The following SGSM1 variants were observed in gnomAD, a reference collection of about 807,000 sequenced individuals.
The protein encoded by SGSM1 is small G protein signaling modulator 1, also known as RUN and TBC1 domain containing 2.
SGSM1 carries 73 observed loss-of-function variants against 133.8 expected under a neutral mutation model. The observed-to-expected ratio is 0.55, with a 90% CI of 0.45 to 0.66. SGSM1 has a LOEUF of 0.66. Ranked by LOEUF, SGSM1 falls within the 30% of genes least tolerant of loss-of-function variation. The pLI, the probability that SGSM1 is intolerant of heterozygous loss-of-function variation, is 0.00. For missense variants in SGSM1, 1,213 were observed against 1,448.1 expected, an observed-to-expected ratio of 0.84 and a Z score of 2.64; for synonymous variants, 563 against 573.0, an observed-to-expected ratio of 0.98 and a Z score of 0.25.
intron 12 of SGSM1, among the ~76,000 whole-genome samples, chr22:24,872,208 C>T (rs1293321054): frequency 2.0e-5 from 3 of 151,500 alleles, no homozygotes; most frequent in Non-Finnish European, 4.4e-5. Context: ...GATATGACCA[C>T]AGATGTTTCT....
intron 9 of SGSM1, among the ~76,000 whole-genome samples, chr22:24,865,961 G>T (rs1007990706): frequency 6.6e-6 from 1 of 152,182 alleles, no homozygotes; most frequent in Non-Finnish European, 1.5e-5. Flanking sequence ...CGGAAGCCTG[G>T]CTTTGGTGCA....
Position 24,855,343 on chromosome 22 carries a change from T to G in SGSM1, c.582T>G (p.Asp194Glu). 1.2e-6 allele frequency: 2 copies of G among 1,613,356 alleles called. No individual in the cohort carries two copies. The highest frequency in any genetic ancestry group is 1.7e-6 in the Non-Finnish European group (2 of 1,179,678). The change falls in exon 7 of 25, where the codon GAT (aspartate) becomes GAG (glutamate). Residue 194 changes from aspartate (D) to glutamate (E), a missense_variant. Coordinates refer to ENST00000400358, the MANE Select transcript of SGSM1 (RefSeq NM_001098497.3). ...KMKTADHFWT[D>E]PSADELVQRH... The stretch of plus-strand genomic sequence containing the variant: ...AGACTGCAGATCACTTCTGGACCGA[T>G]CCCTCGGCTGACGAACTTGTCCAGA...
chr22:24,852,515 C>T (rs1049625086), intron 5 of SGSM1, among the ~76,000 whole-genome samples: 2 of 152,216 alleles, frequency 1.3e-5, no homozygotes, highest in Admixed American at 6.5e-5. Flanking sequence ...GTAATCTTGA[C>T]TCACTGCAAC....
chr22:24,836,704 G>C (rs1249305416), intron 2 of SGSM1, among the ~76,000 whole-genome samples: 1 of 152,132 alleles, frequency 6.6e-6, no homozygotes, highest in African/African-American at 2.4e-5. Context: ...ATCTTTCCAT[G>C]TGCTTGTTCG....
chr22:24,812,185 AAAAG>A (rs1927789056), intron 2 of SGSM1, among the ~76,000 whole-genome samples: 6 of 141,388 alleles, frequency 4.2e-5, no homozygotes, highest in Admixed American at 3.4e-4. Flanking sequence ...AAGAAAAAAA[AAAAG>A]AAAAGAAAAA....
chr22:24,886,825 G>A lies in SGSM1; in HGVS notation c.1770+97G>A, dbSNP rs1057358207. ...CTGGTTCCACGCTGGACCAAGGAAG[G>A]GGAGGGAGATACGGGGAAGATGGGA... is the stretch of plus-strand genomic sequence containing the variant. On this transcript the variant is annotated intron_variant, in intron 16 of 24. Coordinates refer to ENST00000400358, the MANE Select transcript of SGSM1 (RefSeq NM_001098497.3). 2.5e-5 allele frequency: 35 copies of A among 1,414,938 alleles called. No homozygotes were observed. The Middle Eastern group carries it at 2.8e-3, about 113-fold the overall frequency. 87.6% of individuals were successfully genotyped at this position (1,414,938 alleles called of 1,614,324 possible). A position where few individuals can be genotyped will look rare whatever the true frequency, so the allele number is the denominator to read the frequency against.
Position 24,898,487 on chromosome 22 carries a change from C to A in SGSM1, c.2538C>A (p.Ala846=), listed in dbSNP as rs1341574192. The A allele has an allele frequency of 1.2e-6, 2 of 1,613,792 alleles. No homozygotes were observed. Among genetic ancestry groups the A allele is most frequent in the African/African-American group, 2.7e-5 (2 of 74,926 alleles). ...EEPEMESLFP[A]LASLAVTTSA... Reference sequence around the variant, plus strand: ...CTGAGATGGAAAGTCTCTTCCCTGCCCTGGCTTCTCTGGCTGTGACTACTT... The same window carrying A: ...CTGAGATGGAAAGTCTCTTCCCTGCACTGGCTTCTCTGGCTGTGACTACTT... Residue 846 remains alanine, a synonymous_variant, in exon 19 of 25, where the codon GCC becomes GCA. Coordinates refer to ENST00000400358, the MANE Select transcript of SGSM1 (RefSeq NM_001098497.3).
At chr22:24,852,866 G>A (rs569883513) in intron 5 of SGSM1, among the ~76,000 whole-genome samples, 1 of 152,096 alleles carries the variant, frequency 6.6e-6, no homozygotes. Context: ...GTGTTTTGAT[G>A]TATTATCTTC....
intron 2 of SGSM1, among the ~76,000 whole-genome samples, chr22:24,808,305 C>T (rs970935104): frequency 5.3e-5 from 8 of 151,898 alleles, no homozygotes; most frequent in Non-Finnish European, 1.0e-4. Context: ...TTAGTAGAGA[C>T]GGGGTTTCAC....
At chr22:24,838,796 A>G (rs1157269233) in intron 2 of SGSM1, among the ~76,000 whole-genome samples, 1 of 152,252 alleles carries the variant, frequency 6.6e-6, no homozygotes, top group East Asian at 1.9e-4. Context: ...TTTTTAAATC[A>G]GGAAGTATGA....
chr22:24,877,622 G>A (rs150090474), intron 13 of SGSM1, among the ~76,000 whole-genome samples: 1,752 of 151,864 alleles, frequency 0.012, 17 homozygotes, highest in African/African-American at 0.04. Context: ...CAAATTTTTG[G>A]AGTCATCCAA....
chr22:24,868,506 G>T lies in SGSM1; in HGVS notation c.1125G>T (p.Gln375His). ...CLENGLLPHG[Q>H]LDPPLWSQRG... Reference sequence around the variant, plus strand: ...AGAATGGGCTGCTCCCACATGGGCAGTTGGACCCGCCACTGTGGTCCCAGA... The same window carrying T: ...AGAATGGGCTGCTCCCACATGGGCATTTGGACCCGCCACTGTGGTCCCAGA... Residue 375 changes from glutamine to histidine, a missense_variant, in exon 11 of 25, where the codon CAG (glutamine) becomes CAT (histidine). Physicochemically the swap from Gln to His is conservative, Grantham distance 24 (BLOSUM62 0). Coordinates refer to ENST00000400358, the MANE Select transcript of SGSM1 (RefSeq NM_001098497.3). The T allele has an allele frequency of 6.2e-7, 1 of 1,613,252 alleles. No individual in the cohort carries two copies. Among genetic ancestry groups the T allele is most frequent in the South Asian group, 1.1e-5 (1 of 91,070 alleles).
chr22:24,913,210 G>A (rs7511152), intron 22 of SGSM1, among the ~76,000 whole-genome samples: 20,297 of 150,198 alleles, frequency 0.14, 2,941 homozygotes, highest in African/African-American at 0.36. Flanking sequence ...GGAGAATGGC[G>A]TGAACCTGGG....
At chr22:24,858,632 T>A (rs1930945660) in intron 8 of SGSM1, among the ~76,000 whole-genome samples, 1 of 90,508 alleles carries the variant, frequency 1.1e-5, no homozygotes, top group Admixed American at 1.2e-4. Flanking sequence ...CGAGACTCCA[T>A]CTCAAAAAAA....
At chr22:24,823,936 C>A (rs1489030761) in intron 2 of SGSM1, among the ~76,000 whole-genome samples, 1 of 152,162 alleles carries the variant, frequency 6.6e-6, no homozygotes. Context: ...AATGTATTAT[C>A]TTACGCCAGT....
chr22:24,838,122 T>C (rs957507382), intron 2 of SGSM1, among the ~76,000 whole-genome samples: 2 of 152,194 alleles, frequency 1.3e-5, no homozygotes, highest in Non-Finnish European at 2.9e-5. Context: ...TGGTATAAGG[T>C]AAGGGTCCAA....
In SGSM1 at chr22:24,874,326, C is replaced by A. The variant is rs568984301; in HGVS notation, c.1292-2251C>A. 1.5e-5 allele frequency: 20 copies of A among 1,369,748 alleles called. No individual in the cohort carries two copies. The South Asian group carries it at 2.2e-4, about 15-fold the overall frequency. The allele number at this position is 1,369,748 out of a possible 1,614,324, so 84.8% of individuals were successfully genotyped here. A position where few individuals can be genotyped will look rare whatever the true frequency, so the allele number is the denominator to read the frequency against. ...GAGCCGGGAAGGGGGAGGGTTGGAG[C>A]CCCCAGAAACTGGCTCTTCCAGCTG... On this transcript the variant is annotated intron_variant, in intron 12 of 24. Coordinates refer to ENST00000400358, the MANE Select transcript of SGSM1 (RefSeq NM_001098497.3).
chr22:24,924,183 C>T lies in SGSM1; in HGVS notation c.3194-3C>T, dbSNP rs772373811. On this transcript the variant is annotated splice_region_variant and splice_polypyrimidine_tract_variant and intron_variant, in intron 24 of 24. Transcript: ENST00000400358. ...CATGAGATTTTTCTTTCTGCTCTTT[C>T]AGAAATGGCTGAGCGACACAACACC... The T allele has an allele frequency of 3.1e-6, 5 of 1,613,896 alleles. No individual in the cohort carries two copies. Among genetic ancestry groups the T allele is most frequent in the Non-Finnish European group, 4.2e-6 (5 of 1,179,854 alleles).
rs1555919460 is a variant in SGSM1, at chr22:24,818,241, A to AATAAAAT, written c.63+11758_63+11759insTAAAATA. Among the ~76,000 whole-genome samples, 264 of 150,942 alleles carry AATAAAAT rather than the reference A, an allele frequency of 1.7e-3. 1 individual carries two copies. The highest frequency in any genetic ancestry group is 5.8e-3 in the African/African-American group (237 of 40,942). ...AGCAAGACTCTGTCTCAAAAAAAAAAAAAATAAAATAAAATAAAACAAACA... is the reference window on the plus strand; with the variant it reads ...AGCAAGACTCTGTCTCAAAAAAAAAAATAAAATAAAATAAAATAAAATAAAACAAACA... On this transcript the variant is annotated intron_variant, in intron 2 of 24. Transcript: ENST00000400358.
Sources: allele counts gnomAD v4.1 joint callset (sites outside exome capture counted in the v4.1 genomes callset), GRCh38; gene constraint gnomAD v4.1.1; transcripts MANE v1.5; gene names NCBI Gene and HGNC (gene_info 2026-07-23, HGNC 2026-07-21).